Variants in SCAPER observed in about 807,000 individuals in gnomAD.
SCAPER encodes S-phase cyclin A associated protein in the ER.
A neutral mutation model predicts 182.2 loss-of-function variants in SCAPER; 98 were observed. The observed-to-expected ratio is 0.54, with a 90% CI of 0.46 to 0.64. The LOEUF (loss-of-function observed/expected upper bound fraction) is 0.64, where lower values mean the gene tolerates loss of function less well. Among genes scored for constraint, SCAPER ranks in the 30% least tolerant of loss-of-function variants. SCAPER has a pLI of 0.00. For synonymous variants in SCAPER, 605 were observed against 564.6 expected (o/e 1.07, Z -1.01); for missense variants, 1,432 against 1,690.0 (o/e 0.85, Z 2.68).
At chr15:76,759,813 A>C (rs947675743) in intron 14 of SCAPER, among the ~76,000 whole-genome samples, 9 of 152,182 alleles carry the variant, frequency 5.9e-5, no homozygotes. Context: ...AGAGATAAAT[A>C]CCACTCAATC....
chr15:76,486,233 T>C (rs933147756), intron 24 of SCAPER, among the ~76,000 whole-genome samples: 1 of 151,284 alleles, frequency 6.6e-6, no homozygotes, highest in Non-Finnish European at 1.5e-5. Flanking sequence ...AACAAACAAA[T>C]ACCCAAAAAC....
intron 3 of SCAPER, among the ~76,000 whole-genome samples, chr15:76,860,010 C>T (rs1403221417): frequency 6.6e-6 from 1 of 152,074 alleles, no homozygotes; most frequent in Non-Finnish European, 1.5e-5. Context: ...GCCACTGCGC[C>T]CAGCCTGTGC....
chr15:76,871,507 G>A (rs1182686953), intron 2 of SCAPER, among the ~76,000 whole-genome samples: 2 of 150,824 alleles, frequency 1.3e-5, no homozygotes, highest in Non-Finnish European at 2.9e-5. Context: ...ATGGGATAGC[G>A]ATGGGGACTG....
intron 5 of SCAPER, among the ~76,000 whole-genome samples, chr15:76,819,422 G>A (rs2067345687): frequency 6.6e-6 from 1 of 152,192 alleles, no homozygotes; most frequent in East Asian, 1.9e-4. Flanking sequence ...AGCATTTGCA[G>A]TTCACCAATA....
intron 22 of SCAPER, among the ~76,000 whole-genome samples, chr15:76,614,589 G>A (rs1302020028): frequency 6.6e-6 from 1 of 152,012 alleles, no homozygotes; most frequent in Admixed American, 6.6e-5. Context: ...AATCACAAAA[G>A]TAGTCAAAGA....
chr15:76,819,332 C>T (rs1022894977), intron 5 of SCAPER, among the ~76,000 whole-genome samples: 3 of 152,160 alleles, frequency 2.0e-5, no homozygotes, highest in Admixed American at 1.3e-4. Flanking sequence ...TGGGAGCCAC[C>T]CCCCAGTAGG....
At chr15:76,829,333 A>C (rs569307903) in intron 5 of SCAPER, among the ~76,000 whole-genome samples, 2 of 152,302 alleles carry the variant, frequency 1.3e-5, no homozygotes, top group African/African-American at 4.8e-5. Flanking sequence ...AAGAGATAAA[A>C]GACTACATAA....
At chr15:76,853,539 T>C (rs1009006395) in intron 4 of SCAPER, among the ~76,000 whole-genome samples, 1 of 149,728 alleles carries the variant, frequency 6.7e-6, no homozygotes, top group Non-Finnish European at 1.5e-5. Flanking sequence ...ATTCAACACC[T>C]AAACAGAACT....
chr15:76,359,786 CTA>C (rs1403018769), intron 29 of SCAPER, among the ~76,000 whole-genome samples: 2 of 152,206 alleles, frequency 1.3e-5, no homozygotes, highest in Non-Finnish European at 2.9e-5. Flanking sequence ...AGGGCAGGAA[CTA>C]TGTTTTTGGT....
intron 24 of SCAPER, among the ~76,000 whole-genome samples, chr15:76,477,142 G>A (rs2143009405): frequency 6.6e-6 from 1 of 152,204 alleles, no homozygotes; most frequent in East Asian, 1.9e-4. Context: ...CACCATATGA[G>A]ACAGACTGAA....
intron 3 of SCAPER, among the ~76,000 whole-genome samples, chr15:76,859,038 T>G (rs1380793453): frequency 6.6e-6 from 1 of 152,214 alleles, no homozygotes; most frequent in Non-Finnish European, 1.5e-5. Context: ...ACTCTTTGAG[T>G]AATCACCAAA....
chr15:76,680,626 G>C (rs2057649910), intron 20 of SCAPER, among the ~76,000 whole-genome samples: 1 of 151,940 alleles, frequency 6.6e-6, no homozygotes, highest in Admixed American at 6.6e-5. Flanking sequence ...CCCTTCCTTG[G>C]TGGAGCGGTG....
At chr15:76,871,362 T>C (rs541710570) in intron 2 of SCAPER, among the ~76,000 whole-genome samples, 35 of 136,548 alleles carry the variant, frequency 2.6e-4, no homozygotes, top group Non-Finnish European at 4.3e-4. Context: ...TGAGCTGAGA[T>C]CGCACCACTG....
At position 76,667,625 on chromosome 15, in the gene SCAPER, C is replaced by CAAAAAAAAAAA. The variant is rs775463270; in HGVS notation, c.2509-1847_2509-1837dup. Among the ~76,000 whole-genome samples the CAAAAAAAAAAA allele has an allele frequency of 3.6e-4, 10 of 27,454 alleles. 4 individuals are homozygous for CAAAAAAAAAAA. The highest frequency in any genetic ancestry group is 3.9e-4 in the African/African-American group (3 of 7,606). 18.0% of individuals were successfully genotyped at this position (27,454 alleles called of 152,430 possible). A position where few individuals can be genotyped will look rare whatever the true frequency, so the allele number is the denominator to read the frequency against. On this transcript the variant is annotated intron_variant, in intron 20 of 31. Coordinates refer to ENST00000563290, the MANE Select transcript of SCAPER (RefSeq NM_020843.4). Reference sequence around the variant, plus strand: ...GGGCAACAAGAGCGAGACTCAGTCTCAAAAAAAAAAAAAAAAAAAAAAAAA... The same window carrying CAAAAAAAAAAA: ...GGGCAACAAGAGCGAGACTCAGTCTCAAAAAAAAAAAAAAAAAAAAAAAAAAAAAAAAAAAA...
chr15:76,841,621 T>A, intron 5 of SCAPER, 113 bp downstream of exon 5: 2 of 1,090,058 alleles, frequency 1.8e-6, no homozygotes, highest in South Asian at 3.3e-5. Flanking sequence ...CACTCCAGCC[T>A]GGGCGACAGA....
intron 17 of SCAPER, among the ~76,000 whole-genome samples, chr15:76,717,157 A>C (rs1461978497): frequency 6.6e-6 from 1 of 151,822 alleles, no homozygotes; most frequent in Non-Finnish European, 1.5e-5. Flanking sequence ...AAAAAAAAAA[A>C]AAACCTGCCG....
intron 25 of SCAPER, among the ~76,000 whole-genome samples, chr15:76,436,409 A>G (rs2047200869): frequency 6.6e-6 from 1 of 152,068 alleles, no homozygotes; most frequent in South Asian, 2.1e-4. Context: ...CTAATTTGGA[A>G]AATACTTTTT....
intron 5 of SCAPER, among the ~76,000 whole-genome samples, chr15:76,831,529 T>C (rs1390384511): frequency 6.7e-6 from 1 of 148,228 alleles, no homozygotes; most frequent in Non-Finnish European, 1.5e-5. Flanking sequence ...TCTGTTGGTG[T>C]ACACCAACCC....
At chr15:76,409,757 A>G (rs2142201094) in intron 26 of SCAPER, among the ~76,000 whole-genome samples, 1 of 152,220 alleles carries the variant, frequency 6.6e-6, no homozygotes, top group Admixed American at 6.5e-5. Context: ...GGTTTCAACT[A>G]TCCTCGATAT....
Sources: allele counts gnomAD v4.1 joint callset (sites outside exome capture counted in the v4.1 genomes callset), GRCh38; gene constraint gnomAD v4.1.1; transcripts MANE v1.5; gene names NCBI Gene and HGNC (gene_info 2026-07-23, HGNC 2026-07-21).